Variants in SLC45A4 observed in about 807,000 individuals in gnomAD.
The protein encoded by SLC45A4 is solute carrier family 45 member 4, also known as polyamine-transporter SLC45A4.
Under a neutral mutation model 63.7 loss-of-function variants are expected in SLC45A4, and 32 were observed. That is an observed-to-expected ratio of 0.50 (90% CI 0.38 to 0.67). The LOEUF (loss-of-function observed/expected upper bound fraction) is 0.67, where lower values mean the gene tolerates loss of function less well. SLC45A4 is among the 30% of genes least tolerant of loss of function. SLC45A4 has a pLI of 0.00. For missense variants in SLC45A4, 1,027 were observed against 1,157.7 expected (o/e 0.89, Z 1.64); for synonymous variants, 535 against 510.0 (o/e 1.05, Z -0.66).
At chr8:141,288,462 C>T (rs1255880306) in intron 1 of SLC45A4, among the ~76,000 whole-genome samples, 2 of 152,260 alleles carry the variant, frequency 1.3e-5, no homozygotes, top group African/African-American at 4.8e-5. Flanking sequence ...CAGGCAAAAG[C>T]CCTGACCGTG....
chr8:141,232,006 T>C (rs923318730), intron 2 of SLC45A4, among the ~76,000 whole-genome samples: 13 of 152,016 alleles, frequency 8.6e-5, no homozygotes, highest in African/African-American at 3.1e-4. Context: ...CCAGTGAAAA[T>C]GGCAGGAACA....
chr8:141,242,255 A>G (rs910718333), intron 2 of SLC45A4, among the ~76,000 whole-genome samples: 1 of 152,288 alleles, frequency 6.6e-6, no homozygotes, highest in Admixed American at 6.5e-5. Context: ...CAAAAGGCCC[A>G]GAGTCTTCTA....
chr8:141,241,976 G>A (rs1446383494), intron 2 of SLC45A4, among the ~76,000 whole-genome samples: 3 of 152,086 alleles, frequency 2.0e-5, no homozygotes, highest in Non-Finnish European at 2.9e-5. Flanking sequence ...GGTGGCCTTC[G>A]CACGGACAGC....
intron 2 of SLC45A4, among the ~76,000 whole-genome samples, chr8:141,231,347 C>T (rs1470447726): frequency 1.3e-5 from 2 of 152,210 alleles, no homozygotes; most frequent in East Asian, 3.9e-4. Context: ...GTGAAGGCCA[C>T]GCTGCAAGTT....
chr8:141,303,266 G>C (rs1346332204), intron 1 of SLC45A4, among the ~76,000 whole-genome samples: 1 of 151,572 alleles, frequency 6.6e-6, no homozygotes, highest in Non-Finnish European at 1.5e-5. Context: ...TAAAGTGCTG[G>C]GACTATAGGC....
chr8:141,260,752 A>G (rs934034384), intron 1 of SLC45A4, among the ~76,000 whole-genome samples: 1 of 152,224 alleles, frequency 6.6e-6, no homozygotes, highest in East Asian at 1.9e-4. Flanking sequence ...CAACCAAAAA[A>G]AGTCCAGGAC....
rs1185919364 is a variant in SLC45A4, at chr8:141,211,249, C to G, written c.*323G>C. 1 of 463,076 alleles carries G rather than the reference C, an allele frequency of 2.2e-6. No homozygotes were observed. The highest frequency in any genetic ancestry group is 3.8e-6 in the Non-Finnish European group (1 of 265,522). The allele number at this position is 463,076 out of a possible 1,614,324, so 28.7% of individuals were successfully genotyped here. ...AGTGAAAGTCAACGTTTCCTTCCCC[C>G]TGACGTTGGGAGCGGTCTGGAGGGG... On this transcript the variant is annotated 3_prime_UTR_variant, in exon 9 of 9. Transcript: ENST00000517878.
chr8:141,234,354 G>A (rs897355269), intron 2 of SLC45A4, among the ~76,000 whole-genome samples: 2 of 152,180 alleles, frequency 1.3e-5, no homozygotes, highest in Non-Finnish European at 2.9e-5. Flanking sequence ...GGCCTAGCTT[G>A]GGCTCTTCCC....
chr8:141,285,372 C>T (rs28479312), intron 1 of SLC45A4, among the ~76,000 whole-genome samples: 42,843 of 152,188 alleles, frequency 0.28, 6,350 homozygotes, highest in East Asian at 0.42. Context: ...GTGGTTCCCC[C>T]GTGTGCTCCC....
In SLC45A4 at chr8:141,256,720, C is replaced by T. The variant is rs991512231; in HGVS notation, c.-400-2091G>A. The T allele has an allele frequency of 4.6e-6, 2 of 435,144 alleles. No individual in the cohort carries two copies. Among genetic ancestry groups the T allele is most frequent in the Non-Finnish European group, 4.8e-6 (1 of 210,418 alleles). 27.0% of individuals were successfully genotyped at this position (435,144 alleles called of 1,614,324 possible). A position where few individuals can be genotyped will look rare whatever the true frequency, so the allele number is the denominator to read the frequency against. On this transcript the variant is annotated intron_variant, in intron 1 of 8. Transcript: ENST00000517878. This position sits in a 1 kb window ranked among gnomAD's most constrained non-coding sequence, Gnocchi z 4.3. The stretch of plus-strand genomic sequence containing the variant: ...TGCTTCTTACGTCCCCTGAACGTCG[C>T]TACGATTCCACACGACAGCCCTCGA...
At chr8:141,275,103 C>A (rs559269109) in intron 1 of SLC45A4, among the ~76,000 whole-genome samples, 34 of 152,228 alleles carry the variant, frequency 2.2e-4, no homozygotes, top group East Asian at 9.6e-4. Context: ...TGAAAACCCA[C>A]GAAACATCTC....
chr8:141,239,407 T>G (rs1399226937), intron 2 of SLC45A4, among the ~76,000 whole-genome samples: 1 of 152,216 alleles, frequency 6.6e-6, no homozygotes, highest in Non-Finnish European at 1.5e-5. Flanking sequence ...AGAAGTGCAC[T>G]ATTAAAATAC....
rs530624146 is a variant in SLC45A4 at position 141,218,806 on chromosome 8, G to A, written c.834C>T (p.His278=). The A allele has an allele frequency of 2.1e-4, 338 of 1,613,046 alleles. 2 individuals are homozygous for A. In the South Asian group the frequency reaches 3.4e-3, roughly 16 times the overall value. Residue 278 remains histidine, a synonymous_variant, in exon 5 of 9, where the codon CAC becomes CAT. Coordinates refer to ENST00000517878, the MANE Select transcript of SLC45A4 (RefSeq NM_001286646.2). ...EPGALDGGEP[H]GVPAFPDEVQ... The stretch of plus-strand genomic sequence containing the variant: ...CCTCGTCTGGGAAGGCAGGGACGCC[G>A]TGCGGCTCGCCCCCATCCAGGGCGC...
intron 1 of SLC45A4, among the ~76,000 whole-genome samples, chr8:141,255,735 A>G (rs1828742856): frequency 1.3e-5 from 1 of 75,524 alleles, no homozygotes; most frequent in African/African-American, 7.2e-5. Context: ...AAACAAAAAC[A>G]AACAAACAAA....
chr8:141,288,739 G>A (rs1246673521), intron 1 of SLC45A4, among the ~76,000 whole-genome samples: 1 of 152,274 alleles, frequency 6.6e-6, no homozygotes, highest in African/African-American at 2.4e-5. Flanking sequence ...TGGAACCTAT[G>A]CTCTTGGGGC....
At chr8:141,267,848 C>T (rs1428181572) in intron 1 of SLC45A4, among the ~76,000 whole-genome samples, 3 of 151,922 alleles carry the variant, frequency 2.0e-5, no homozygotes, top group East Asian at 1.9e-4. Flanking sequence ...CAGGAACGCT[C>T]GTTCACGGTT....
Position 141,254,091 on chromosome 8 carries a change from T to C in SLC45A4, c.139A>G (p.Ile47Val). 6.5e-7 allele frequency: 1 copy of C among 1,536,170 alleles called. No homozygotes were observed. Among genetic ancestry groups the C allele is most frequent in the Non-Finnish European group, 8.7e-7 (1 of 1,146,906 alleles). ...TGCATCACCCACAGGCGCATGGGGA[T>C]TCGGTCTATGGACCCCTCGCTGATG... ...ETISEGSIDR[I>V]PMRLWVMHGA... The change falls in exon 2 of 9, where the codon ATC (isoleucine) becomes GTC (valine). Residue 47 changes from isoleucine (I) to valine (V), a missense_variant. Ile to Val is a conservative substitution (Grantham distance 29, BLOSUM62 3). Transcript: ENST00000517878. This position sits in a 1 kb window ranked among gnomAD's most constrained non-coding sequence, Gnocchi z 4.5.
At chr8:141,244,401 CCTT>C (rs746084228) in intron 2 of SLC45A4, among the ~76,000 whole-genome samples, 1 of 152,208 alleles carries the variant, frequency 6.6e-6, no homozygotes, top group Non-Finnish European at 1.5e-5. Flanking sequence ...GTCAATTTCT[CCTT>C]CATCAGCAAG....
rs1829834377 is a variant in SLC45A4, at chr8:141,278,844, G to T, written c.-400-24215C>A. Among the ~76,000 whole-genome samples, 1 of 152,230 alleles carries T rather than the reference G, an allele frequency of 6.6e-6. No homozygotes were observed. The highest frequency in any genetic ancestry group is 2.4e-5 in the African/African-American group (1 of 41,460). On this transcript the variant is annotated intron_variant, in intron 1 of 8. Transcript: ENST00000517878. This position sits in a 1 kb window ranked among gnomAD's most constrained non-coding sequence, Gnocchi z 4.1. ...CCTGCTGGGGGCATCCTTTGCCCCG[G>T]GCTCTGTCCCTACTGCCCCCAGGCA...
Sources: gnomAD v4.1 joint callset for allele counts (sites outside exome capture counted in the v4.1 genomes callset) on GRCh38, gnomAD v4.1.1 for gene constraint, Gnocchi (gnomAD v3.1) non-coding constraint, MANE v1.5 for transcripts, NCBI Gene and HGNC (gene_info 2026-07-23, HGNC 2026-07-21) for gene names.